Variants in CHL1 observed in about 807,000 individuals in gnomAD.
CHL1 encodes the protein cell adhesion molecule L1 like.
CHL1 carries 96 observed loss-of-function variants against 141.9 expected under a neutral mutation model. The observed-to-expected ratio is 0.68, with a 90% confidence interval of 0.57 to 0.80. The LOEUF (loss-of-function observed/expected upper bound fraction) is 0.80. Ranked by LOEUF, CHL1 falls within the 30% of genes least tolerant of loss-of-function variation. The pLI, the probability that CHL1 is intolerant of heterozygous loss-of-function variation, is 0.00. For missense variants in CHL1, 1,820 were observed against 1,457.2 expected (o/e 1.25, Z -4.05); for synonymous variants, 613 against 502.2 (o/e 1.22, Z -2.95).
chr3:294,927 C>T (rs961406697), intron 2 of CHL1, among the ~76,000 whole-genome samples: 4 of 152,190 alleles, frequency 2.6e-5, no homozygotes, highest in African/African-American at 9.7e-5. Context: ...ATGTGCCAGA[C>T]ACTATAATGC....
rs911060000 is a variant in CHL1 at position 296,025 on chromosome 3, C to A, written c.-94-23658C>A. On this transcript the variant is annotated intron_variant, in intron 2 of 27. Transcript: ENST00000256509. Reference sequence around the variant, plus strand: ...TCAAAAAAAAAATACTCCTGTAATTCCATCCTAACTACTGATTGCTTTATA... The same window carrying A: ...TCAAAAAAAAAATACTCCTGTAATTACATCCTAACTACTGATTGCTTTATA... Among the ~76,000 whole-genome samples the A allele has an allele frequency of 2.0e-5, 3 of 152,114 alleles. 1 individual carries two copies. Among genetic ancestry groups the A allele is most frequent in the Admixed American group, 2.0e-4 (3 of 15,272 alleles).
At chr3:403,520 C>T (rs1200689148) in intron 27 of CHL1, among the ~76,000 whole-genome samples, 1 of 151,996 alleles carries the variant, frequency 6.6e-6, no homozygotes, top group African/African-American at 2.4e-5. Flanking sequence ...GCACTCCAGC[C>T]TGGGCAACAT....
intron 1 of CHL1, among the ~76,000 whole-genome samples, chr3:214,893 C>G (rs951868152): frequency 6.6e-6 from 1 of 151,924 alleles, no homozygotes; most frequent in African/African-American, 2.4e-5. Flanking sequence ...AATGAGATAA[C>G]AGTGACAAGG....
chr3:336,161 G>A (rs992827964), intron 5 of CHL1, among the ~76,000 whole-genome samples: 21 of 152,130 alleles, frequency 1.4e-4, no homozygotes, highest in Non-Finnish European at 2.9e-5. Flanking sequence ...ATGCTACAGT[G>A]TTGTCTGTAC....
intron 1 of CHL1, among the ~76,000 whole-genome samples, chr3:203,558 G>C (rs1699140829): frequency 6.6e-6 from 1 of 152,228 alleles, no homozygotes; most frequent in Non-Finnish European, 1.5e-5. Flanking sequence ...ATGGGATTAG[G>C]GGAAGCCCAC....
chr3:322,333 G>A (rs1700630544), intron 3 of CHL1, among the ~76,000 whole-genome samples: 1 of 151,800 alleles, frequency 6.6e-6, no homozygotes. Context: ...AAAAAAATTA[G>A]AGTTTGGAAA....
chr3:333,105 G>A (rs1975192), intron 5 of CHL1, among the ~76,000 whole-genome samples: 36 of 125,610 alleles, frequency 2.9e-4, no homozygotes, highest in African/African-American at 9.8e-4. Context: ...TCTGAGCTAC[G>A]TTGTTGGATA....
At chr3:217,486 AACTT>A (rs1700426869) in intron 1 of CHL1, 1 of 152,200 alleles carries the variant, frequency 6.6e-6, no homozygotes, top group Non-Finnish European at 1.5e-5. Flanking sequence ...TGGGAGGAGA[AACTT>A]ACTTTAGAAA....
chr3:204,274 G>T (rs1340992616), intron 1 of CHL1, among the ~76,000 whole-genome samples: 5 of 152,208 alleles, frequency 3.3e-5, no homozygotes, highest in Non-Finnish European at 5.9e-5. Context: ...GCTGTAAGTG[G>T]TGATTCTCCT....
intron 10 of CHL1, among the ~76,000 whole-genome samples, chr3:350,173 C>G (rs982266736): frequency 6.6e-6 from 1 of 152,186 alleles, no homozygotes; most frequent in African/African-American, 2.4e-5. Context: ...ATATTCAAGT[C>G]ATCTTCTCTC....
intron 2 of CHL1, among the ~76,000 whole-genome samples, chr3:254,328 A>T (rs1043618632): frequency 1.3e-5 from 2 of 152,202 alleles, no homozygotes; most frequent in African/African-American, 4.8e-5. Context: ...TTCCCAGGGA[A>T]ACCAACCTGC....
intron 3 of CHL1, among the ~76,000 whole-genome samples, chr3:321,067 G>C (rs1700525229): frequency 6.6e-6 from 1 of 152,136 alleles, no homozygotes; most frequent in African/African-American, 2.4e-5. Flanking sequence ...CAGACAGACT[G>C]AATGTCAATA....
chr3:299,968 C>G (rs1367694679), intron 2 of CHL1, among the ~76,000 whole-genome samples: 2 of 152,168 alleles, frequency 1.3e-5, no homozygotes, highest in Non-Finnish European at 2.9e-5. Flanking sequence ...TTGGCCGCCT[C>G]TCCCTTGAAG....
At chr3:197,872 CTT>C (rs58240971) in intron 1 of CHL1, 3,541 of 354,638 alleles carry the variant, frequency 1.0e-2, no homozygotes, top group South Asian at 0.013. Context: ...CTTTCTCTCG[CTT>C]TTTTTTTTTT....
At position 235,510 on chromosome 3, in the gene CHL1, G is replaced by T. The variant is rs561559665; in HGVS notation, c.-174-9103G>T. 3.3e-5 allele frequency among the ~76,000 whole-genome samples: 5 copies of T among 152,282 alleles called. No individual in the cohort carries two copies. In the South Asian group the frequency reaches 1.0e-3, roughly 32 times the overall value. ...CCCATTATCATTACCAAAGAAGCTTGACATTGGTATTAACTTGCCCACAAT... is the reference window on the plus strand; with the variant it reads ...CCCATTATCATTACCAAAGAAGCTTTACATTGGTATTAACTTGCCCACAAT... On this transcript the variant is annotated intron_variant, in intron 1 of 27. Coordinates refer to ENST00000256509, the MANE Select transcript of CHL1 (RefSeq NM_006614.4).
intron 1 of CHL1, among the ~76,000 whole-genome samples, chr3:235,880 C>A (rs961537846): frequency 2.0e-5 from 3 of 152,122 alleles, no homozygotes; most frequent in African/African-American, 7.2e-5. Context: ...ATGCCTCTGC[C>A]GTCATACTCC....
chr3:363,132 G>C (rs1704450197), intron 13 of CHL1, 85 bp from the exon 14 acceptor site: 5 of 1,141,220 alleles, frequency 4.4e-6, no homozygotes, highest in Non-Finnish European at 6.3e-6. Context: ...AAGGGGATTA[G>C]CCTGAATGAC....
intron 15 of CHL1, among the ~76,000 whole-genome samples, chr3:374,939 G>C (rs1222135329): frequency 6.6e-6 from 1 of 152,188 alleles, no homozygotes; most frequent in East Asian, 1.9e-4. Context: ...TGAACAATGA[G>C]AAGTGAAAAT....
chr3:218,427 T>C (rs1179228904), intron 1 of CHL1, among the ~76,000 whole-genome samples: 1 of 152,220 alleles, frequency 6.6e-6, no homozygotes, highest in Non-Finnish European at 1.5e-5. Context: ...TAATATACTT[T>C]TGTGTATCAT....
Sources: gnomAD v4.1 joint callset for allele counts (sites outside exome capture counted in the v4.1 genomes callset) on GRCh38, gnomAD v4.1.1 for gene constraint, MANE v1.5 for transcripts, NCBI Gene and HGNC (gene_info 2026-07-23, HGNC 2026-07-21) for gene names.